The following DPH6 variants were observed in gnomAD, a reference collection of about 807,000 sequenced individuals.
DPH6 encodes diphthine--ammonia ligase.
In DPH6, 33 loss-of-function variants were observed where a neutral mutation model predicts 38.2. That is an observed-to-expected ratio of 0.86 (90% CI 0.65 to 1.15). The LOEUF (loss-of-function observed/expected upper bound fraction) is 1.15. Among genes scored for constraint, DPH6 ranks in the 50% most tolerant of loss-of-function variants. The probability of loss-of-function intolerance (pLI) is 0.00; values close to 1 mark genes in which losing one functional copy is unlikely to be tolerated. For missense variants in DPH6, 325 were observed against 320.0 expected, an observed-to-expected ratio of 1.02 and a Z score of -0.12; for synonymous variants, 108 against 103.0, an observed-to-expected ratio of 1.05 and a Z score of -0.30.
chr15:35,377,253 G>A (rs1566886248), intron 7 of DPH6, among the ~76,000 whole-genome samples: 1 of 151,994 alleles, frequency 6.6e-6, no homozygotes, highest in Non-Finnish European at 1.5e-5. Flanking sequence ...ATGAAAATGA[G>A]GATAAAGTGT....
the DPH6 span, among the ~76,000 whole-genome samples, chr15:35,170,788 G>A: frequency 6.6e-6 from 1 of 152,046 alleles, no homozygotes; most frequent in Non-Finnish European, 1.5e-5. Flanking sequence ...GGATTCCTAT[G>A]TCTCATCCTA....
intron 3 of DPH6, among the ~76,000 whole-genome samples, chr15:35,511,714 A>G (rs1472245194): frequency 6.6e-6 from 1 of 152,138 alleles, no homozygotes; most frequent in African/African-American, 2.4e-5. Context: ...TTAAAAAAAA[A>G]AGTGTCACAG....
At chr15:35,209,186 A>C in the DPH6 span, among the ~76,000 whole-genome samples, 1 of 151,942 alleles carries the variant, frequency 6.6e-6, no homozygotes, top group Non-Finnish European at 1.5e-5. Flanking sequence ...TTTTTCTCAT[A>C]GTTCATGTCT....
intron 3 of DPH6, among the ~76,000 whole-genome samples, chr15:35,537,253 T>C (rs185812228): frequency 1.3e-3 from 192 of 152,182 alleles, no homozygotes; most frequent in Non-Finnish European, 2.3e-3. Flanking sequence ...CTGAAAAAAC[T>C]GAACTTCTCT....
At chr15:35,150,803 C>T in the DPH6 span, among the ~76,000 whole-genome samples, 1 of 152,068 alleles carries the variant, frequency 6.6e-6, no homozygotes, top group African/African-American at 2.4e-5. Context: ...AGATGCTACT[C>T]GAAAGAATCA....
intron 3 of DPH6, chr15:35,238,020 A>C: frequency 6.5e-7 from 1 of 1,546,962 alleles, no homozygotes; most frequent in African/African-American, 1.4e-5. Context: ...AGGGGTCAGA[A>C]GCGAAAAGGA....
intron 3 of DPH6, among the ~76,000 whole-genome samples, chr15:35,506,259 T>A (rs768749663): frequency 6.6e-6 from 1 of 151,996 alleles, no homozygotes; most frequent in African/African-American, 2.4e-5. Context: ...AATGTTTTTT[T>A]AAAAAAAACT....
chr15:35,484,255 A>G (rs2054366676), intron 3 of DPH6, among the ~76,000 whole-genome samples: 1 of 152,256 alleles, frequency 6.6e-6, no homozygotes, highest in Non-Finnish European at 1.5e-5. Context: ...ACATCTGAGT[A>G]TATTAGCAAC....
intron 3 of DPH6, among the ~76,000 whole-genome samples, chr15:35,352,967 G>A (rs1306770738): frequency 6.6e-6 from 1 of 152,114 alleles, no homozygotes; most frequent in Admixed American, 6.5e-5. Context: ...TTCAATGATC[G>A]CCATTCAAAC....
exon 4 of DPH6, chr15:35,219,540 T>C (rs1452736857): frequency 4.6e-5 from 7 of 152,222 alleles, no homozygotes; most frequent in African/African-American, 1.7e-4. Context: ...CTATTTTTAA[T>C]ACACCATTTT....
At chr15:35,402,987 CATTA>C (rs751378109) in intron 6 of DPH6, among the ~76,000 whole-genome samples, 1 of 151,904 alleles carries the variant, frequency 6.6e-6, no homozygotes, top group African/African-American at 2.4e-5. Flanking sequence ...TCTACCCAGC[CATTA>C]ATTAATGTCT....
intron 3 of DPH6, among the ~76,000 whole-genome samples, chr15:35,473,398 G>T (rs370282301): frequency 6.6e-6 from 1 of 152,038 alleles, no homozygotes; most frequent in East Asian, 1.9e-4. Context: ...CTTTCATTAA[G>T]GGAATGAAAG....
At chr15:35,461,727 A>G (rs575143094) in intron 3 of DPH6, among the ~76,000 whole-genome samples, 1 of 152,196 alleles carries the variant, frequency 6.6e-6, no homozygotes, top group Admixed American at 6.5e-5. Flanking sequence ...TTTACTTTAT[A>G]TATTCTTGTA....
intron 3 of DPH6, among the ~76,000 whole-genome samples, chr15:35,348,581 A>T (rs58797792): frequency 0.36 from 55,303 of 151,952 alleles, 11,967 homozygotes; most frequent in African/African-American, 0.61. Flanking sequence ...AAGTGTGATA[A>T]CTACAGCTTT....
chr15:35,400,028 G>A (rs1385101013), intron 6 of DPH6, among the ~76,000 whole-genome samples: 1 of 152,150 alleles, frequency 6.6e-6, no homozygotes, highest in African/African-American at 2.4e-5. Context: ...TAGGCATAGC[G>A]AGAACCTGGT....
intron 3 of DPH6, among the ~76,000 whole-genome samples, chr15:35,505,508 G>GT (rs903346511): frequency 4.6e-5 from 7 of 151,796 alleles, no homozygotes; most frequent in African/African-American, 1.2e-4. Context: ...CTCATTGAAA[G>GT]TTTTTTTTCT....
Position 35,513,121 on chromosome 15 carries a change from C to A in DPH6, c.312+25153G>T, listed in dbSNP as rs554597154. ...AAGCAATGTACAAAGTACAGCAATA[C>A]CACACACAGGTGTGTGCATCTATGT... is the stretch of plus-strand genomic sequence containing the variant. On this transcript the variant is annotated intron_variant, in intron 3 of 8. Coordinates refer to ENST00000256538, the MANE Select transcript of DPH6 (RefSeq NM_080650.4). Among the ~76,000 whole-genome samples, 17 of 152,086 alleles carry A rather than the reference C, an allele frequency of 1.1e-4. No homozygotes were observed. The South Asian group carries it at 1.5e-3, about 13-fold the overall frequency.
chr15:35,450,811 A>C lies in DPH6; in HGVS notation c.387-8T>G, dbSNP rs763642261. On this transcript the variant is annotated splice_polypyrimidine_tract_variant and splice_region_variant and intron_variant, in intron 4 of 8. Coordinates refer to ENST00000256538, the MANE Select transcript of DPH6 (RefSeq NM_080650.4). Reference sequence around the variant, plus strand: ...AGATTAAGCCTTTTACACCTACAAAAGAAAAAGAAAAAGAAAGTCAGATGA... The same window carrying C: ...AGATTAAGCCTTTTACACCTACAAACGAAAAAGAAAAAGAAAGTCAGATGA... 1.3e-6 allele frequency: 2 copies of C among 1,573,148 alleles called. No homozygotes were observed. The highest frequency in any genetic ancestry group is 1.4e-5 in the African/African-American group (1 of 73,268).
chr15:35,153,805 A>G, the DPH6 span, among the ~76,000 whole-genome samples: 2 of 152,298 alleles, frequency 1.3e-5, no homozygotes, highest in South Asian at 4.2e-4. Context: ...AAACATTCCA[A>G]AAGTCTGCAA....
Sources: allele counts gnomAD v4.1 joint callset (sites outside exome capture counted in the v4.1 genomes callset), GRCh38; gene constraint gnomAD v4.1.1; transcripts MANE v1.5; gene names NCBI Gene and HGNC (gene_info 2026-07-23, HGNC 2026-07-21).